Variants in CNTLN observed in about 807,000 individuals in gnomAD.
CNTLN encodes the protein centlein.
Under a neutral mutation model 180.0 loss-of-function variants are expected in CNTLN, and 212 were observed. The observed-to-expected ratio is 1.18, with a 90% CI of 1.05 to 1.32. The LOEUF (loss-of-function observed/expected upper bound fraction) is 1.32. CNTLN is among the 40% of genes most tolerant of loss of function. The pLI is 0.00. For missense variants in CNTLN, 2,095 were observed against 1,610.9 expected, an observed-to-expected ratio of 1.30 and a Z score of -5.14; for synonymous variants, 722 against 563.1, an observed-to-expected ratio of 1.28 and a Z score of -3.99.
chr9:17,259,391 G>T, intron 5 of CNTLN, among the ~76,000 whole-genome samples: 1 of 133,554 alleles, frequency 7.5e-6, no homozygotes, highest in Non-Finnish European at 1.6e-5. Flanking sequence ...ATTTTATTGA[G>T]GATTTTTGCA....
chr9:17,515,924 T>A, the CNTLN span, among the ~76,000 whole-genome samples: 1 of 152,194 alleles, frequency 6.6e-6, no homozygotes, highest in Non-Finnish European at 1.5e-5. Flanking sequence ...AGTCTTTCCT[T>A]CAGCCTTCAA....
chr9:17,358,899 T>A (rs1823069255), intron 12 of CNTLN, among the ~76,000 whole-genome samples: 2 of 152,180 alleles, frequency 1.3e-5, no homozygotes, highest in African/African-American at 4.8e-5. Context: ...AAGTCAGTTT[T>A]AGATTGATTA....
At chr9:17,294,660 C>T (rs1271256183) in intron 6 of CNTLN, among the ~76,000 whole-genome samples, 4 of 148,868 alleles carry the variant, frequency 2.7e-5, no homozygotes, top group Non-Finnish European at 5.9e-5. Context: ...GAGCTGCCTG[C>T]CAGTCCCGTG....
chr9:17,336,321 A>G (rs895278567), intron 10 of CNTLN, among the ~76,000 whole-genome samples: 1 of 152,146 alleles, frequency 6.6e-6, no homozygotes, highest in Non-Finnish European at 1.5e-5. Context: ...TTGATGGATG[A>G]CTTCAGCTGG....
At chr9:17,245,618 T>C (rs1587317323) in intron 5 of CNTLN, among the ~76,000 whole-genome samples, 1 of 152,088 alleles carries the variant, frequency 6.6e-6, no homozygotes, top group African/African-American at 2.4e-5. Flanking sequence ...ATATTATCCC[T>C]TTGAATATAT....
At chr9:17,433,292 T>C (rs1402452052) in intron 18 of CNTLN, among the ~76,000 whole-genome samples, 1 of 148,554 alleles carries the variant, frequency 6.7e-6, no homozygotes, top group Non-Finnish European at 1.5e-5. Context: ...TTAGCTTTCT[T>C]TTTTTTTTTT....
chr9:17,270,174 C>A (rs10810742), intron 5 of CNTLN, among the ~76,000 whole-genome samples: 7,087 of 152,086 alleles, frequency 0.047, 223 homozygotes, highest in South Asian at 0.15. Flanking sequence ...ATCCCCAGGA[C>A]AATTTTAATA....
intron 2 of CNTLN, among the ~76,000 whole-genome samples, chr9:17,181,168 C>G (rs1412997695): frequency 6.6e-6 from 1 of 152,138 alleles, no homozygotes; most frequent in South Asian, 2.1e-4. Flanking sequence ...TACCTAGGCT[C>G]AGGTGTTGTA....
At chr9:17,206,117 G>C (rs1682179637) in intron 2 of CNTLN, among the ~76,000 whole-genome samples, 1 of 152,138 alleles carries the variant, frequency 6.6e-6, no homozygotes, top group Non-Finnish European at 1.5e-5. Context: ...GCTAGAGGCT[G>C]CCAGGAATGG....
intron 6 of CNTLN, among the ~76,000 whole-genome samples, chr9:17,294,975 C>A (rs753915653): frequency 1.3e-5 from 2 of 150,244 alleles, no homozygotes; most frequent in African/African-American, 2.4e-5. Context: ...CCAGCCCTGC[C>A]GCACAGGGAG....
chr9:17,487,439 G>T (rs1252073794), intron 25 of CNTLN, among the ~76,000 whole-genome samples: 1 of 152,096 alleles, frequency 6.6e-6, no homozygotes. Context: ...ATGGGTTTCA[G>T]TGACCTTTTA....
chr9:17,408,226 T>C (rs1009783806), intron 15 of CNTLN, among the ~76,000 whole-genome samples: 8 of 150,722 alleles, frequency 5.3e-5, no homozygotes, highest in Non-Finnish European at 7.4e-5. Flanking sequence ...TTATTCTTCA[T>C]GGTGTCTCAA....
chr9:17,354,773 C>T (rs1822687671), intron 12 of CNTLN, among the ~76,000 whole-genome samples: 1 of 152,092 alleles, frequency 6.6e-6, no homozygotes, highest in Non-Finnish European at 1.5e-5. Context: ...GCGTTGGCAA[C>T]CCGCTCCAGT....
Position 17,236,373 on chromosome 9 carries a change from G to A in CNTLN, c.670-36G>A, listed in dbSNP as rs768868295. 6.6e-7 allele frequency: 1 copy of A among 1,509,102 alleles called. No individual in the cohort carries two copies. Among genetic ancestry groups the A allele is most frequent in the African/African-American group, 1.4e-5 (1 of 69,890 alleles). The allele number at this position is 1,509,102 out of a possible 1,614,324, so 93.5% of individuals were successfully genotyped here. On this transcript the variant is annotated intron_variant, in intron 4 of 25. Transcript: ENST00000380647. ...TTTTTTGGGTTTTTTGTTTCGTTTT[G>A]TTTTATTTATTTGCCCTTGTGGTAC...
intron 11 of CNTLN, among the ~76,000 whole-genome samples, 189 bp from the exon 12 acceptor site, chr9:17,342,136 G>C (rs1821529222): frequency 1.3e-5 from 2 of 152,178 alleles, no homozygotes; most frequent in African/African-American, 2.4e-5. Flanking sequence ...TAGCAGTTTA[G>C]CTTCAAAAAA....
intron 2 of CNTLN, among the ~76,000 whole-genome samples, chr9:17,208,073 C>A (rs561397085): frequency 6.6e-5 from 10 of 152,016 alleles, no homozygotes; most frequent in Non-Finnish European, 1.5e-4. Context: ...ACAGTTTTTC[C>A]ACATTCAATA....
In CNTLN at chr9:17,477,483, A is replaced by C. The variant is rs535024708; in HGVS notation, c.3856-6812A>C. ...GAAAGGATTCACCATTCTAGATGCC[A>C]TTTAAGAATATTAATGATTCATGGG... On this transcript the variant is annotated intron_variant, in intron 23 of 25. Coordinates refer to ENST00000380647, the MANE Select transcript of CNTLN (RefSeq NM_017738.4). Among the ~76,000 whole-genome samples the C allele has an allele frequency of 1.8e-4, 28 of 152,358 alleles. 1 individual carries two copies. The South Asian group carries it at 4.3e-3, about 24-fold the overall frequency.
At position 17,388,254 on chromosome 9, in the gene CNTLN, G is replaced by A; in HGVS notation, c.2079+1G>A. The A allele has an allele frequency of 1.3e-6, 2 of 1,597,656 alleles. No homozygotes were observed. The highest frequency in any genetic ancestry group is 1.7e-6 in the Non-Finnish European group (2 of 1,165,858). ...AATGTTGGAGCAGACATTACAGAAG[G>A]TAGTCTAATCTTTAAGATATTGAGC... On this transcript the variant is annotated splice_donor_variant, in intron 14 of 25. Coordinates refer to ENST00000380647, the MANE Select transcript of CNTLN (RefSeq NM_017738.4). LOFTEE classifies it high-confidence loss of function.
chr9:17,449,682 AT>A (rs1333058698), intron 18 of CNTLN, among the ~76,000 whole-genome samples: 1 of 152,190 alleles, frequency 6.6e-6, no homozygotes, highest in African/African-American at 2.4e-5. Flanking sequence ...TGTTTTTACT[AT>A]CCATTATTTT....
Sources: allele counts gnomAD v4.1 joint callset (sites outside exome capture counted in the v4.1 genomes callset), GRCh38; gene constraint gnomAD v4.1.1; transcripts MANE v1.5; gene names NCBI Gene and HGNC (gene_info 2026-07-23, HGNC 2026-07-21).